ZNF557: variants seen among roughly 807,000 people sequenced by gnomAD.
The protein encoded by ZNF557 is zinc finger protein 557, also known as CTB-25J19.9.
Under a neutral mutation model 21.2 loss-of-function variants are expected in ZNF557, and 19 were observed. That is an observed-to-expected ratio of 0.90 (90% CI 0.63 to 1.32). The LOEUF (loss-of-function observed/expected upper bound fraction) is 1.32. Ranked by LOEUF, ZNF557 falls within the 40% of genes most tolerant of loss-of-function variation. The pLI, the probability that ZNF557 is intolerant of heterozygous loss-of-function variation, is 0.00. For synonymous variants in ZNF557, 207 were observed against 194.8 expected, an observed-to-expected ratio of 1.06 and a Z score of -0.52; for missense variants, 487 against 519.8, an observed-to-expected ratio of 0.94 and a Z score of 0.61.
chr19:7,076,470 C>T lies in ZNF557; in HGVS notation c.210C>T (p.Asp70=), dbSNP rs200637274. Residue 70 remains aspartate (D), a synonymous_variant, in exon 5 of 8, where the codon GAC becomes GAT. Coordinates refer to ENST00000252840, the MANE Select transcript of ZNF557 (RefSeq NM_024341.3). ...LDPAQRTLYR[D]VMLENCRNLA... ...CTGCCCAAAGGACACTGTACAGGGACGTGATGCTGGAGAACTGCAGGAACC... is the reference window on the plus strand; with the variant it reads ...CTGCCCAAAGGACACTGTACAGGGATGTGATGCTGGAGAACTGCAGGAACC... The T allele has an allele frequency of 4.0e-4, 642 of 1,614,008 alleles. No individual in the cohort carries two copies. Among genetic ancestry groups the T allele is most frequent in the Non-Finnish European group, 4.9e-4 (579 of 1,180,034 alleles).
intron 5 of ZNF557, among the ~76,000 whole-genome samples, chr19:7,080,257 T>G (rs967478309): frequency 1.3e-5 from 2 of 151,448 alleles, no homozygotes; most frequent in Non-Finnish European, 3.0e-5. Flanking sequence ...TGAGCCGAGA[T>G]CACACCACTG....
chr19:7,083,644 A>G lies in ZNF557; in HGVS notation c.1193A>G (p.His398Arg), dbSNP rs376077703. ...TCCGTTAAGAAACACATGAGAACTC[A>G]CACTGGAAAAAAACCCTATGAATGT... is the stretch of plus-strand genomic sequence containing the variant. ...LSSVKKHMRT[H>R]TGKKPYECNY... The change falls in exon 8 of 8, where the codon CAC (histidine) becomes CGC (arginine). Residue 398 changes from histidine (H) to arginine (R), a missense_variant. Physicochemically the swap from His to Arg is conservative, Grantham distance 29 (BLOSUM62 0). Coordinates refer to ENST00000252840, the MANE Select transcript of ZNF557 (RefSeq NM_024341.3). 1.9e-6 allele frequency: 3 copies of G among 1,613,922 alleles called. No homozygotes were observed. The African/African-American group carries it at 4.0e-5, about 22-fold the overall frequency.
rs1354767919 is a variant in ZNF557, at chr19:7,082,861, C to A, written c.427-17C>A. On this transcript the variant is annotated splice_polypyrimidine_tract_variant and intron_variant, in intron 7 of 7. Coordinates refer to ENST00000252840, the MANE Select transcript of ZNF557 (RefSeq NM_024341.3). The stretch of plus-strand genomic sequence containing the variant: ...AAATATTATAAATGGTACTTATTGT[C>A]ATCTCTTAATCAATAGGAGAGGAAT... 2 of 1,536,672 alleles carry A rather than the reference C, an allele frequency of 1.3e-6. No homozygotes were observed. Among genetic ancestry groups the A allele is most frequent in the Admixed American group, 2.2e-5 (1 of 46,168 alleles).
chr19:7,083,776 T>C lies in ZNF557; in HGVS notation c.*32T>C, dbSNP rs371752701. ...TAACTGTGGGAAAAGCATTCATTGA[T>C]CTTTCATGCCTCAGATAACATGAGC... On this transcript the variant is annotated 3_prime_UTR_variant, in exon 8 of 8. Transcript: ENST00000252840. 1 of 1,564,304 alleles carries C rather than the reference T, an allele frequency of 6.4e-7. No individual in the cohort carries two copies. Among genetic ancestry groups the C allele is most frequent in the South Asian group, 1.2e-5 (1 of 81,376 alleles).
At position 7,083,090 on chromosome 19, in the gene ZNF557, T is replaced by TG; in HGVS notation, c.642dup (p.Lys215GlufsTer13). 6.2e-7 allele frequency: 1 copy of TG among 1,614,104 alleles called. No homozygotes were observed. The highest frequency in any genetic ancestry group is 1.3e-5 in the African/African-American group (1 of 75,040). ...AGAAACCCTATGAATGCAATGACTG[T>TG]GGGAAAACCTTCAGCAGCAGATCTT... On this transcript the variant is annotated frameshift_variant, in exon 8 of 8. Coordinates refer to ENST00000252840, the MANE Select transcript of ZNF557 (RefSeq NM_024341.3). LOFTEE classifies it low-confidence loss of function (END_TRUNC).
At chr19:7,073,725 C>T (rs944566595) in intron 2 of ZNF557, among the ~76,000 whole-genome samples, 3 of 152,084 alleles carry the variant, frequency 2.0e-5, no homozygotes, top group African/African-American at 7.2e-5. Flanking sequence ...TCCATTCAGT[C>T]CTCTCCCAAT....
chr19:7,079,273 A>G (rs1339820801), intron 5 of ZNF557, among the ~76,000 whole-genome samples: 6 of 121,782 alleles, frequency 4.9e-5, no homozygotes, highest in East Asian at 4.5e-4. Flanking sequence ...ATGGAGTCTC[A>G]CTCTGTCACC....
Position 7,083,431 on chromosome 19 carries a change from G to T in ZNF557, c.980G>T (p.Arg327Ile). Residue 327 changes from arginine to isoleucine, a missense_variant, in exon 8 of 8, where the codon AGA becomes ATA. Arg to Ile is a moderately conservative substitution (Grantham distance 97). Coordinates refer to ENST00000252840, the MANE Select transcript of ZNF557 (RefSeq NM_024341.3). The part of the protein sequence containing the change: ...EYPYECHDCG[R>I]TFRRRSNLTQ... ...CCTTACGAATGCCACGATTGTGGGA[G>T]AACCTTCAGGAGGAGGTCGAATCTG... 2 of 1,614,152 alleles carry T rather than the reference G, an allele frequency of 1.2e-6. No individual in the cohort carries two copies. Among genetic ancestry groups the T allele is most frequent in the Non-Finnish European group, 1.7e-6 (2 of 1,180,020 alleles).
intron 5 of ZNF557, among the ~76,000 whole-genome samples, chr19:7,079,403 C>A (rs570087553): frequency 6.5e-4 from 87 of 134,000 alleles, no homozygotes; most frequent in Admixed American, 1.8e-3. Flanking sequence ...CACCACGCCT[C>A]GCTAATTTTT....
Position 7,085,786 on chromosome 19 carries a change from A to G in ZNF557, c.*2042A>G, listed in dbSNP as rs990105705. On this transcript the variant is annotated 3_prime_UTR_variant, in exon 8 of 8. Coordinates refer to ENST00000252840, the MANE Select transcript of ZNF557 (RefSeq NM_024341.3). ...TAGCTCGTTCATTTTCAGTCTTTTAATATAAACATTTATGGCTATAGTGGT... is the reference window on the plus strand; with the variant it reads ...TAGCTCGTTCATTTTCAGTCTTTTAGTATAAACATTTATGGCTATAGTGGT... 3.9e-5 allele frequency: 6 copies of G among 152,326 alleles called. No individual in the cohort carries two copies. The highest frequency in any genetic ancestry group is 1.4e-4 in the African/African-American group (6 of 41,568). 9.4% of individuals were successfully genotyped at this position (152,326 alleles called of 1,614,324 possible). A position where few individuals can be genotyped will look rare whatever the true frequency, so the allele number is the denominator to read the frequency against.
Position 7,079,167 on chromosome 19 carries a change from G to T in ZNF557, c.248-2193G>T, listed in dbSNP as rs886874418. On this transcript the variant is annotated intron_variant, in intron 5 of 7. Coordinates refer to ENST00000252840, the MANE Select transcript of ZNF557 (RefSeq NM_024341.3). ...GAAGTCGTTGCCTAATAAATCCAAT[G>T]ACTAGGTTTCCTTATGGAAAATTTC... Among the ~76,000 whole-genome samples the T allele has an allele frequency of 8.6e-5, 13 of 151,408 alleles. No homozygotes were observed. In the South Asian group the frequency reaches 2.7e-3, roughly 32 times the overall value.
chr19:7,075,237 G>C (rs1977560620), intron 3 of ZNF557, 132 bp downstream of exon 3: 1 of 1,287,212 alleles, frequency 7.8e-7, no homozygotes, highest in South Asian at 1.2e-5. Flanking sequence ...GGTCCTCCGT[G>C]TCTGATCGGG....
At chr19:7,072,558 C>T (rs1977482456) in intron 2 of ZNF557, among the ~76,000 whole-genome samples, 1 of 152,184 alleles carries the variant, frequency 6.6e-6, no homozygotes, top group Admixed American at 6.5e-5. Flanking sequence ...CTTTCCCGTG[C>T]ACTCTGGCCC....
At chr19:7,070,472 G>A (rs1977435330) in intron 1 of ZNF557, 90 bp from the exon 2 acceptor site, 1 of 152,040 alleles carries the variant, frequency 6.6e-6, no homozygotes, top group Non-Finnish European at 1.5e-5. Flanking sequence ...TGCAACAACT[G>A]TATTAGTCTC....
At chr19:7,077,185 G>GAGT (rs1229094456) in intron 5 of ZNF557, among the ~76,000 whole-genome samples, 1 of 132,706 alleles carries the variant, frequency 7.5e-6, no homozygotes, top group African/African-American at 2.8e-5. Flanking sequence ...ACCCAGGCTG[G>GAGT]AGTGCAGTGG....
intron 3 of ZNF557, among the ~76,000 whole-genome samples, 191 bp from the exon 4 acceptor site, chr19:7,075,464 G>T (rs1977565261): frequency 6.6e-6 from 1 of 152,176 alleles, no homozygotes; most frequent in Non-Finnish European, 1.5e-5. Flanking sequence ...TGGCGTGGAT[G>T]CGGCAGGGCC....
intron 5 of ZNF557, among the ~76,000 whole-genome samples, chr19:7,077,137 T>C (rs983480485): frequency 7.7e-6 from 1 of 129,036 alleles, no homozygotes; most frequent in Non-Finnish European, 1.6e-5. Context: ...TCTTTCTTTT[T>C]TTTTTTTTTT....
Position 7,087,128 on chromosome 19 carries a change from A to G in ZNF557, c.*3384A>G, listed in dbSNP as rs1192896570. The G allele has an allele frequency of 7.4e-6, 1 of 135,620 alleles. No individual in the cohort carries two copies. The highest frequency in any genetic ancestry group is 7.6e-5 in the Admixed American group (1 of 13,212). 8.4% of individuals were successfully genotyped at this position (135,620 alleles called of 1,614,324 possible). ...GTAGGAATAACGCACTGGGTGAGAC[A>G]CCGTCTGGCTTATTCTCATCTATTT... On this transcript the variant is annotated 3_prime_UTR_variant, in exon 8 of 8. Coordinates refer to ENST00000252840, the MANE Select transcript of ZNF557 (RefSeq NM_024341.3).
At chr19:7,072,396 G>A (rs1977479598) in intron 2 of ZNF557, among the ~76,000 whole-genome samples, 1 of 152,234 alleles carries the variant, frequency 6.6e-6, no homozygotes, top group Non-Finnish European at 1.5e-5. Flanking sequence ...TTGTACTCCA[G>A]CCTGGGTGAC....
Sources: allele counts gnomAD v4.1 joint callset (sites outside exome capture counted in the v4.1 genomes callset), GRCh38; gene constraint gnomAD v4.1.1; transcripts MANE v1.5; gene names NCBI Gene and HGNC (gene_info 2026-07-23, HGNC 2026-07-21).